Variants in ANLN observed in about 807,000 individuals in gnomAD.
ANLN encodes anillin, actin binding protein, also known as anillin.
ANLN carries 59 observed loss-of-function variants against 135.1 expected under a neutral mutation model. The observed-to-expected ratio is 0.44, with a 90% CI of 0.35 to 0.54. The LOEUF is 0.54. ANLN is among the 20% of genes least tolerant of loss of function. ANLN has a pLI of 0.00. For synonymous variants in ANLN, 406 were observed against 456.4 expected, an observed-to-expected ratio of 0.89 and a Z score of 1.41; for missense variants, 1,182 against 1,340.0, an observed-to-expected ratio of 0.88 and a Z score of 1.84.
At chr7:36,406,903 A>G (rs55891665) in intron 4 of ANLN, among the ~76,000 whole-genome samples, 18,118 of 152,098 alleles carry the variant, frequency 0.12, 1,128 homozygotes, top group East Asian at 0.19. Context: ...TATATATGAG[A>G]AATTTATATA....
chr7:36,438,786 GCAATTA>G (rs1788650261), intron 20 of ANLN, among the ~76,000 whole-genome samples: 1 of 152,184 alleles, frequency 6.6e-6, no homozygotes, highest in African/African-American at 2.4e-5. Flanking sequence ...GGGGTCTCTT[GCAATTA>G]CATATGAATT....
intron 20 of ANLN, chr7:36,428,438 TACTA>T (rs1027690856): frequency 2.2e-4 from 171 of 766,348 alleles, no homozygotes; most frequent in African/African-American, 1.4e-3. Flanking sequence ...ATATTTGTTT[TACTA>T]ACTATCTTTT....
Position 36,399,338 on chromosome 7 carries a change from A to G in ANLN, c.432A>G (p.Thr144=). 6.2e-7 allele frequency: 1 copy of G among 1,613,806 alleles called. No homozygotes were observed. The highest frequency in any genetic ancestry group is 8.5e-7 in the Non-Finnish European group (1 of 1,179,886). ...LEATAASSVK[T]RMQKLAEQRR... is the part of the protein sequence containing the mutation. ...CAACTGCAGCCTCCTCAGTTAAAAC[A>G]CGTATGCAAAAACTTGCAGAGCAAC... The change falls in exon 3 of 24, where the codon ACA becomes ACG. Residue 144 remains threonine, a synonymous_variant. Coordinates refer to ENST00000265748, the MANE Select transcript of ANLN (RefSeq NM_018685.5).
At chr7:36,437,561 C>A (rs1788595020) in intron 20 of ANLN, among the ~76,000 whole-genome samples, 2 of 151,930 alleles carry the variant, frequency 1.3e-5, no homozygotes, top group South Asian at 4.2e-4. Context: ...AGTGGGATTG[C>A]TGGGTTATAT....
intron 14 of ANLN, 108 bp from the exon 15 acceptor site, chr7:36,423,709 G>T (rs1583629433): frequency 9.7e-7 from 1 of 1,026,704 alleles, no homozygotes; most frequent in Non-Finnish European, 1.3e-6. Context: ...AAAATAAATT[G>T]TATATAAATC....
intron 20 of ANLN, among the ~76,000 whole-genome samples, chr7:36,437,151 C>T (rs1176125019): frequency 6.6e-6 from 1 of 152,156 alleles, no homozygotes. Context: ...TCATATTCTC[C>T]TCCCCACTCC....
At chr7:36,398,110 A>G (rs906694566) in intron 2 of ANLN, among the ~76,000 whole-genome samples, 3 of 152,004 alleles carry the variant, frequency 2.0e-5, no homozygotes, top group Non-Finnish European at 2.9e-5. Context: ...GAAAATATTA[A>G]TTTTCCAGGA....
At chr7:36,409,846 A>AT (rs1385380355) in intron 5 of ANLN, among the ~76,000 whole-genome samples, 1 of 151,860 alleles carries the variant, frequency 6.6e-6, no homozygotes, top group East Asian at 1.9e-4. Context: ...TAATTTTAGT[A>AT]TTTTTTATAG....
chr7:36,430,250 G>T (rs1788259009), intron 20 of ANLN, among the ~76,000 whole-genome samples: 1 of 152,104 alleles, frequency 6.6e-6, no homozygotes, highest in African/African-American at 2.4e-5. Context: ...TTATTTTACT[G>T]GTGCCTTGAC....
intron 3 of ANLN, among the ~76,000 whole-genome samples, chr7:36,401,151 A>T (rs565623375): frequency 1.8e-4 from 28 of 152,250 alleles, no homozygotes; most frequent in African/African-American, 6.5e-4. Flanking sequence ...TCTAATATAA[A>T]TTTTTTTATT....
At chr7:36,417,303 A>G (rs1327214142) in intron 9 of ANLN, 113 bp downstream of exon 9, 1 of 637,180 alleles carries the variant, frequency 1.6e-6, no homozygotes. Context: ...ATTAAATCAG[A>G]ATACACTGTA....
In ANLN at chr7:36,415,844, A is replaced by C. The variant is rs747900083; in HGVS notation, c.1482A>C (p.Glu494Asp). The change falls in exon 8 of 24, where the codon GAA (glutamate) becomes GAC (aspartate). Residue 494 changes from glutamate to aspartate, a missense_variant. By Grantham distance (45) the Glu-to-Asp change is conservative. Around this residue, in one of 3 missense-constraint regions of ANLN, gnomAD observed 1,022 missense variants for 1,134.0 expected, o/e 0.90. Coordinates refer to ENST00000265748, the MANE Select transcript of ANLN (RefSeq NM_018685.5). ...TTCCAGTAACAGAAAAGGTGACCGA[A>C]AACCAGATACCAGCCAAAAATTCTA... ...QSLPVTEKVT[E>D]NQIPAKNSST... The C allele has an allele frequency of 1.9e-6, 3 of 1,607,660 alleles. No individual in the cohort carries two copies. In the South Asian group the frequency reaches 3.3e-5, roughly 18 times the overall value.
Position 36,453,360 on chromosome 7 carries a change from A to T in ANLN, c.*760A>T, listed in dbSNP as rs1789322355. 1.3e-5 allele frequency: 2 copies of T among 152,216 alleles called. No homozygotes were observed. The highest frequency in any genetic ancestry group is 6.5e-5 in the Admixed American group (1 of 15,282). 9.4% of individuals were successfully genotyped at this position (152,216 alleles called of 1,614,324 possible). ...TAGCATATTAGTTTTTTCTACTCCT[A>T]CAAGTGTAAATTGAAAAATCTTTAT... On this transcript the variant is annotated 3_prime_UTR_variant, in exon 24 of 24. Coordinates refer to ENST00000265748, the MANE Select transcript of ANLN (RefSeq NM_018685.5).
At chr7:36,407,613 C>A (rs927588462) in intron 4 of ANLN, 121 bp from the exon 5 acceptor site, 1 of 762,606 alleles carries the variant, frequency 1.3e-6, no homozygotes, top group African/African-American at 1.8e-5. Context: ...AGAGCAAAAT[C>A]ATTTCATTTT....
At chr7:36,420,811 A>G in intron 12 of ANLN, 67 bp downstream of exon 12, 3 of 896,314 alleles carry the variant, frequency 3.3e-6, no homozygotes, top group Non-Finnish European at 4.5e-6. Flanking sequence ...CTGTGAGGAC[A>G]AAGGGCCCAG....
intron 22 of ANLN, among the ~76,000 whole-genome samples, chr7:36,446,569 C>T (rs964549882): frequency 4.5e-4 from 69 of 152,234 alleles, no homozygotes; most frequent in African/African-American, 1.6e-3. Flanking sequence ...CAGGAGCGAG[C>T]GAGCGAGCAA....
chr7:36,420,510 A>C (rs1393811149), intron 11 of ANLN, 87 bp from the exon 12 acceptor site: 2 of 1,286,632 alleles, frequency 1.6e-6, no homozygotes, highest in East Asian at 4.6e-5. Flanking sequence ...GTTCAATATC[A>C]GTGTCAAATT....
At chr7:36,410,827 C>A in intron 6 of ANLN, 123 bp downstream of exon 6, 1 of 1,082,128 alleles carries the variant, frequency 9.2e-7, no homozygotes, top group Non-Finnish European at 1.3e-6. Flanking sequence ...TTCTGTATCA[C>A]TAATTTCAGA....
chr7:36,444,422 C>G (rs1035789630), intron 22 of ANLN, among the ~76,000 whole-genome samples: 3 of 151,434 alleles, frequency 2.0e-5, no homozygotes. Flanking sequence ...ATTTTTCCTT[C>G]TTTTCTACTG....
Sources: gnomAD v4.1 joint callset for allele counts (sites outside exome capture counted in the v4.1 genomes callset) on GRCh38, gnomAD v4.1.1 for gene constraint, gnomAD v4.1.1 regional missense constraint, MANE v1.5 for transcripts, NCBI Gene and HGNC (gene_info 2026-07-23, HGNC 2026-07-21) for gene names.